Variants in TAX1BP1 observed in about 807,000 individuals in gnomAD.
TAX1BP1 encodes tax1-binding protein 1.
A neutral mutation model predicts 97.7 loss-of-function variants in TAX1BP1; 62 were observed. The observed-to-expected ratio is 0.63, with a 90% confidence interval of 0.52 to 0.78. The LOEUF (loss-of-function observed/expected upper bound fraction) is 0.78, where lower values mean the gene tolerates loss of function less well. Ranked by LOEUF, TAX1BP1 falls within the 30% of genes least tolerant of loss-of-function variation. The probability of loss-of-function intolerance (pLI) is 0.00; values close to 1 mark genes in which losing one functional copy is unlikely to be tolerated. For synonymous variants in TAX1BP1, 340 were observed against 304.2 expected (o/e 1.12, Z -1.23); for missense variants, 867 against 916.1 (o/e 0.95, Z 0.69).
chr7:27,744,371 CGCCTCG>C (rs1205090375), intron 1 of TAX1BP1, among the ~76,000 whole-genome samples: 15 of 152,128 alleles, frequency 9.9e-5, no homozygotes, highest in African/African-American at 3.6e-4. Flanking sequence ...GTGATCCGCC[CGCCTCG>C]GCCTCCCAAA....
chr7:27,764,449 G>A (rs775204616), intron 3 of TAX1BP1, among the ~76,000 whole-genome samples: 1 of 152,182 alleles, frequency 6.6e-6, no homozygotes, highest in African/African-American at 2.4e-5. Flanking sequence ...CATAGAAACA[G>A]TATTGTACCT....
At chr7:27,779,619 T>G (rs1439290733) in intron 5 of TAX1BP1, among the ~76,000 whole-genome samples, 4 of 152,184 alleles carry the variant, frequency 2.6e-5, no homozygotes, top group South Asian at 2.1e-4. Flanking sequence ...ATCAGATGAG[T>G]TACTTGATTT....
At chr7:27,810,084 T>C (rs965219378) in intron 13 of TAX1BP1, among the ~76,000 whole-genome samples, 2 of 152,146 alleles carry the variant, frequency 1.3e-5, no homozygotes, top group African/African-American at 4.8e-5. Flanking sequence ...ATTTTTTATA[T>C]TTTTAGTAGA....
intron 5 of TAX1BP1, chr7:27,771,851 TG>T (rs1173439313): frequency 2.0e-5 from 3 of 152,054 alleles, no homozygotes; most frequent in African/African-American, 7.2e-5. Flanking sequence ...ACAAAGGACC[TG>T]GAATGGTACT....
chr7:27,760,876 T>G (rs1256534474), intron 3 of TAX1BP1, among the ~76,000 whole-genome samples: 1 of 152,210 alleles, frequency 6.6e-6, no homozygotes, highest in African/African-American at 2.4e-5. Context: ...ACACAGAAAT[T>G]TATGTCCCAC....
chr7:27,768,502 TAA>T (rs969444564), intron 4 of TAX1BP1, among the ~76,000 whole-genome samples: 43 of 152,114 alleles, frequency 2.8e-4, no homozygotes, highest in African/African-American at 1.0e-3. Context: ...GATTCTTTTA[TAA>T]AGTCTATGTT....
intron 3 of TAX1BP1, among the ~76,000 whole-genome samples, chr7:27,764,302 T>C (rs1033714432): frequency 2.5e-4 from 38 of 152,224 alleles, no homozygotes; most frequent in African/African-American, 8.9e-4. Flanking sequence ...CTCCTTATCT[T>C]TCATAACCTT....
upstream of TAX1BP1, chr7:27,740,076 G>A (rs1787505428): frequency 6.6e-6 from 1 of 152,370 alleles, no homozygotes; most frequent in Non-Finnish European, 1.5e-5. Flanking sequence ...GGAGGGGAGC[G>A]GCGAACCAGG....
intron 1 of TAX1BP1, among the ~76,000 whole-genome samples, chr7:27,746,591 A>AT (rs906720985): frequency 1.3e-5 from 2 of 151,784 alleles, no homozygotes; most frequent in Non-Finnish European, 1.5e-5. Context: ...CTACCTGTTC[A>AT]TTTTTCTGAT....
At chr7:27,741,020 CTG>C (rs769248358) in intron 1 of TAX1BP1, among the ~76,000 whole-genome samples, 1 of 152,224 alleles carries the variant, frequency 6.6e-6, no homozygotes, top group Non-Finnish European at 1.5e-5. Context: ...TAGCGTGCGT[CTG>C]TGTGGGTGTG....
At chr7:27,793,298 C>A in intron 10 of TAX1BP1, 86 bp downstream of exon 10, 2 of 1,153,584 alleles carry the variant, frequency 1.7e-6, no homozygotes, top group Non-Finnish European at 2.4e-6. Flanking sequence ...CAAATATCAA[C>A]CTTTTAAATA....
At chr7:27,759,877 G>A (rs1055089593) in intron 3 of TAX1BP1, among the ~76,000 whole-genome samples, 7 of 143,806 alleles carry the variant, frequency 4.9e-5, no homozygotes, top group South Asian at 2.2e-4. Context: ...TTTTTGAGCC[G>A]GAGTCACACT....
chr7:27,816,753 A>C, intron 14 of TAX1BP1, 137 bp from the exon 15 acceptor site: 1 of 1,152,242 alleles, frequency 8.7e-7, no homozygotes, highest in South Asian at 1.5e-5. Context: ...TTAAAAAATC[A>C]CCTGGGTTAA....
At chr7:27,757,348 T>G (rs1378446254) in intron 2 of TAX1BP1, among the ~76,000 whole-genome samples, 1 of 152,130 alleles carries the variant, frequency 6.6e-6, no homozygotes, top group Non-Finnish European at 1.5e-5. Flanking sequence ...GTGGTCTGTT[T>G]GTGCATATAT....
At chr7:27,743,703 C>T (rs17685087) in intron 1 of TAX1BP1, among the ~76,000 whole-genome samples, 11,288 of 151,896 alleles carry the variant, frequency 0.074, 602 homozygotes, top group East Asian at 0.14. Flanking sequence ...ATTTTTTCCC[C>T]TGGAGTTTTT....
intron 15 of TAX1BP1, 132 bp from the exon 16 acceptor site, chr7:27,827,602 CTAAT>C (rs1375473212): frequency 1.6e-6 from 1 of 641,280 alleles, no homozygotes; most frequent in Admixed American, 2.9e-5. Flanking sequence ...ATTTGAAAGT[CTAAT>C]TAAATGATAG....
At chr7:27,811,163 A>T (rs917798770) in intron 13 of TAX1BP1, among the ~76,000 whole-genome samples, 7 of 152,144 alleles carry the variant, frequency 4.6e-5, no homozygotes, top group African/African-American at 1.7e-4. Flanking sequence ...AGGTATCTTG[A>T]AAGAGTATTT....
At chr7:27,816,277 A>T (rs1790765357) in intron 13 of TAX1BP1, 72 bp from the exon 14 acceptor site, 2 of 1,188,206 alleles carry the variant, frequency 1.7e-6, no homozygotes, top group Non-Finnish European at 2.3e-6. Context: ...TTTTGACTAA[A>T]TGTTTAATAC....
At chr7:27,804,758 A>G (rs184534429) in intron 13 of TAX1BP1, among the ~76,000 whole-genome samples, 1 of 152,262 alleles carries the variant, frequency 6.6e-6, no homozygotes, top group East Asian at 1.9e-4. Flanking sequence ...AACATTTCAG[A>G]TTTTGGATTT....
Sources: gnomAD v4.1 joint callset for allele counts (sites outside exome capture counted in the v4.1 genomes callset) on GRCh38, gnomAD v4.1.1 for gene constraint, MANE v1.5 for transcripts, NCBI Gene and HGNC (gene_info 2026-07-23, HGNC 2026-07-21) for gene names.